The following TOP2B variants were observed in gnomAD, a reference collection of about 807,000 sequenced individuals.
TOP2B encodes the protein DNA topoisomerase 2-beta.
Under a neutral mutation model 193.5 loss-of-function variants are expected in TOP2B, and 51 were observed. That is an observed-to-expected ratio of 0.26 (90% CI 0.21 to 0.33). The LOEUF is 0.33. Among genes scored for constraint, TOP2B ranks in the 10% least tolerant of loss-of-function variants. TOP2B has a pLI of 1.00. For missense variants in TOP2B, 1,378 were observed against 1,909.3 expected (o/e 0.72, Z 5.19); for synonymous variants, 634 against 635.7 (o/e 1.00, Z 0.04).
chr3:25,637,297 T>C lies in TOP2B; in HGVS notation c.557A>G (p.Tyr186Cys). 6.4e-7 allele frequency: 1 copy of C among 1,556,900 alleles called. No homozygotes were observed. The highest frequency in any genetic ancestry group is 8.7e-7 in the Non-Finnish European group (1 of 1,149,084). ...EKKVTGGRNG[Y>C]GAKLCNIFST... ...GAAAATATTACAAAGTTTTGCACCA[T>C]AACCATTACGACCACCTGTAAGAAA... Residue 186 changes from tyrosine to cysteine, a missense_variant, in exon 6 of 36, where the codon TAT becomes TGT. Tyr to Cys is a radical substitution (Grantham distance 194). This residue lies in a region of TOP2B where 222 missense variants were observed against 306.6 expected (regional missense o/e 0.72). Coordinates refer to ENST00000264331, the MANE Select transcript of TOP2B (RefSeq NM_001330700.2).
intron 27 of TOP2B, among the ~76,000 whole-genome samples, chr3:25,613,278 T>C (rs767129986): frequency 6.6e-6 from 1 of 152,176 alleles, no homozygotes; most frequent in Non-Finnish European, 1.5e-5. Context: ...AATTATTCCT[T>C]AAAATAAGCT....
rs3835194 is a variant in TOP2B at position 25,618,603 on chromosome 3, G to GTT, written c.3259+49_3259+50dup. 3,523 of 1,531,246 alleles carry GTT rather than the reference G, an allele frequency of 2.3e-3. 46 individuals carry two copies. In the African/African-American group the frequency reaches 0.043, roughly 19 times the overall value. 94.9% of individuals were successfully genotyped at this position (1,531,246 alleles called of 1,614,324 possible). A position where few individuals can be genotyped will look rare whatever the true frequency, so the allele number is the denominator to read the frequency against. ...GATAAAAATGTCTTCTATTAATAAA[G>GTT]TTTTTTTTCCATTTTAACTAATGTT... On this transcript the variant is annotated intron_variant, in intron 24 of 35. Coordinates refer to ENST00000264331, the MANE Select transcript of TOP2B (RefSeq NM_001330700.2).
intron 5 of TOP2B, 87 bp downstream of exon 5, chr3:25,638,078 A>G: frequency 2.4e-6 from 3 of 1,249,204 alleles, no homozygotes; most frequent in Non-Finnish European, 2.2e-6. Context: ...ATTTTCTCAC[A>G]CCAAAACTGC....
At chr3:25,644,962 A>ATTT (rs112922438) in intron 2 of TOP2B, among the ~76,000 whole-genome samples, 8 of 144,732 alleles carry the variant, frequency 5.5e-5, no homozygotes, top group East Asian at 2.1e-4. Flanking sequence ...CACCCAGAAA[A>ATTT]TTTTTTTTTT....
intron 3 of TOP2B, 39 bp downstream of exon 3, chr3:25,643,655 T>G: frequency 6.9e-7 from 1 of 1,443,958 alleles, no homozygotes; most frequent in Non-Finnish European, 9.7e-7. Flanking sequence ...TATGATGATA[T>G]TAATAGAAAC....
rs767965549 is a variant in TOP2B, at chr3:25,645,350, T to C, written c.190A>G (p.Ile64Val). The C allele has an allele frequency of 1.2e-6, 2 of 1,612,484 alleles. No homozygotes were observed. The highest frequency in any genetic ancestry group is 1.3e-5 in the African/African-American group (1 of 74,888). ...VYQKKTQLEH[I>V]LLRPDTYIGS... The stretch of plus-strand genomic sequence containing the variant: ...ATATATGTATCAGGACGAAGAAGAA[T>C]GTGTTCAAGTTGTGTCTTCTTCTGA... Residue 64 changes from isoleucine (I) to valine (V), a missense_variant, in exon 2 of 36, where the codon ATT (isoleucine) becomes GTT (valine). Around this residue, in one of 9 missense-constraint regions of TOP2B, gnomAD observed 35 missense variants for 85.8 expected, o/e 0.41. Coordinates refer to ENST00000264331, the MANE Select transcript of TOP2B (RefSeq NM_001330700.2).
intron 1 of TOP2B, among the ~76,000 whole-genome samples, chr3:25,653,974 T>C (rs150143435): frequency 6.6e-6 from 1 of 152,066 alleles, no homozygotes; most frequent in Non-Finnish European, 1.5e-5. Context: ...ATAAAAGCAA[T>C]ACACACAAAG....
At chr3:25,601,012 C>T (rs1575558766) in intron 34 of TOP2B, 88 bp downstream of exon 34, 2 of 1,408,508 alleles carry the variant, frequency 1.4e-6, no homozygotes. Flanking sequence ...AAATAGATAC[C>T]TAGCCTCTCT....
At position 25,637,199 on chromosome 3, in the gene TOP2B, T is replaced by C; in HGVS notation, c.639+16A>G. The C allele has an allele frequency of 1.3e-6, 2 of 1,514,434 alleles. No homozygotes were observed. The highest frequency in any genetic ancestry group is 1.8e-6 in the Non-Finnish European group (2 of 1,115,124). 93.8% of individuals were successfully genotyped at this position (1,514,434 alleles called of 1,614,324 possible). A position where few individuals can be genotyped will look rare whatever the true frequency, so the allele number is the denominator to read the frequency against. On this transcript the variant is annotated intron_variant, in intron 6 of 35. Transcript: ENST00000264331. ...ACGTTATTTTAAAAAAAGAAATAGA[T>C]GTGTTTCTAGCATACCTGCTTAAAA...
chr3:25,599,091 T>C (rs1702016194), intron 35 of TOP2B, among the ~76,000 whole-genome samples: 1 of 152,040 alleles, frequency 6.6e-6, no homozygotes, highest in Admixed American at 6.6e-5. Flanking sequence ...AAAATCAAAT[T>C]AGCCCTGGTC....
At position 25,664,618 on chromosome 3, in the gene TOP2B, C is replaced by G; in HGVS notation, c.-321G>C. ...TCTCGCCCGCCCGCGGGCGCCGCTGCAGGCCGGGCTGAAGCCCGGGCGTGC... is the reference window on the plus strand; with the variant it reads ...TCTCGCCCGCCCGCGGGCGCCGCTGGAGGCCGGGCTGAAGCCCGGGCGTGC... On this transcript the variant is annotated 5_prime_UTR_variant, in exon 1 of 36. Coordinates refer to ENST00000264331, the MANE Select transcript of TOP2B (RefSeq NM_001330700.2). The G allele has an allele frequency of 7.0e-6, 7 of 994,656 alleles. No individual in the cohort carries two copies. In the South Asian group the frequency reaches 3.3e-4, roughly 46 times the overall value. 61.6% of individuals were successfully genotyped at this position (994,656 alleles called of 1,614,324 possible).
rs558867064 is a variant in TOP2B, at chr3:25,654,856, G to A, written c.69+9373C>T. 1.2e-3 allele frequency among the ~76,000 whole-genome samples: 183 copies of A among 152,188 alleles called. 1 individual carries two copies. Among genetic ancestry groups the A allele is most frequent in the African/African-American group, 4.0e-3 (167 of 41,524 alleles). ...TTCAACAAATGGTGCTGGGAAAACT[G>A]GATAACAAGCAAAAGAATGAAGTTG... On this transcript the variant is annotated intron_variant, in intron 1 of 35. Transcript: ENST00000264331.
chr3:25,638,684 T>G (rs1027666642), intron 4 of TOP2B, among the ~76,000 whole-genome samples: 1 of 152,060 alleles, frequency 6.6e-6, no homozygotes, highest in African/African-American at 2.4e-5. Context: ...ATTCTGTAAG[T>G]TAATTATCTT....
At chr3:25,626,433 G>C in intron 18 of TOP2B, 127 bp downstream of exon 18, 1 of 505,180 alleles carries the variant, frequency 2.0e-6, no homozygotes, top group South Asian at 4.4e-5. Context: ...AAATTCCTCT[G>C]AATAAGCTCT....
intron 21 of TOP2B, among the ~76,000 whole-genome samples, chr3:25,621,858 G>A (rs575462050): frequency 1.4e-4 from 21 of 151,928 alleles, no homozygotes; most frequent in East Asian, 5.9e-4. Context: ...GCATGGTGGC[G>A]CACACCTGTG....
At chr3:25,609,442 A>C in intron 29 of TOP2B, 98 bp from the exon 30 acceptor site, 1 of 1,459,732 alleles carries the variant, frequency 6.9e-7, no homozygotes, top group South Asian at 1.4e-5. Flanking sequence ...TTACAAAATA[A>C]ACGTTTATGA....
intron 27 of TOP2B, among the ~76,000 whole-genome samples, chr3:25,614,454 T>C (rs1033878378): frequency 6.6e-6 from 1 of 152,062 alleles, no homozygotes; most frequent in African/African-American, 2.4e-5. Flanking sequence ...AAGACTCACA[T>C]TGCAGCACTT....
chr3:25,620,146 T>G, intron 22 of TOP2B, 84 bp from the exon 23 acceptor site: 1 of 896,520 alleles, frequency 1.1e-6, no homozygotes, highest in African/African-American at 1.7e-5. Context: ...TTGAAAATTC[T>G]CAACTCTCAT....
intron 33 of TOP2B, among the ~76,000 whole-genome samples, chr3:25,603,555 T>A (rs985648464): frequency 1.3e-5 from 2 of 152,072 alleles, no homozygotes; most frequent in Non-Finnish European, 2.9e-5. Context: ...ATTGTTTTTT[T>A]AAAAAAGAGA....
Sources: gnomAD v4.1 joint callset for allele counts (sites outside exome capture counted in the v4.1 genomes callset) on GRCh38, gnomAD v4.1.1 for gene constraint, gnomAD v4.1.1 regional missense constraint, MANE v1.5 for transcripts, NCBI Gene and HGNC (gene_info 2026-07-23, HGNC 2026-07-21) for gene names.